The following PPP3CA variants were observed in gnomAD, a reference collection of about 807,000 sequenced individuals.
PPP3CA encodes CAM-PRP catalytic subunit.
A neutral mutation model predicts 66.5 loss-of-function variants in PPP3CA; 14 were observed. The observed-to-expected ratio is 0.21, with a 90% CI of 0.14 to 0.33. The LOEUF is 0.33. PPP3CA is among the 10% of genes least tolerant of loss of function. The pLI is 1.00. For missense variants in PPP3CA, 317 were observed against 639.5 expected (o/e 0.50, Z 5.44); for synonymous variants, 232 against 226.2 (o/e 1.03, Z -0.23).
chr4:101,046,652 C>T (rs1002181399), intron 10 of PPP3CA, among the ~76,000 whole-genome samples: 8 of 152,018 alleles, frequency 5.3e-5, no homozygotes, highest in Non-Finnish European at 7.4e-5. Flanking sequence ...CTCACCACTT[C>T]CAAATTTGTT....
In PPP3CA at chr4:101,121,802, G is replaced by C. The variant is rs548510812; in HGVS notation, c.260-12724C>G. On this transcript the variant is annotated intron_variant, in intron 2 of 13. Coordinates refer to ENST00000394854, the MANE Select transcript of PPP3CA (RefSeq NM_000944.5). ...AACTGATTTTCTCAAGGAACATAGA[G>C]TATGCTTGGGATATACAGACTTACA... 2.2e-4 allele frequency among the ~76,000 whole-genome samples: 34 copies of C among 152,194 alleles called. 1 individual carries two copies. The East Asian group carries it at 3.7e-3, about 16-fold the overall frequency.
chr4:101,247,673 A>C (rs937729123), intron 1 of PPP3CA, among the ~76,000 whole-genome samples: 2 of 152,174 alleles, frequency 1.3e-5, no homozygotes, highest in Non-Finnish European at 2.9e-5. Context: ...GTATGTATTA[A>C]GGTATAATCA....
intron 1 of PPP3CA, among the ~76,000 whole-genome samples, chr4:101,334,385 C>T (rs906671969): frequency 3.9e-5 from 6 of 152,070 alleles, no homozygotes; most frequent in Admixed American, 1.3e-4. Context: ...TCCACCCACC[C>T]GGCCTCCCAA....
At chr4:101,214,976 T>C (rs928785267) in intron 1 of PPP3CA, among the ~76,000 whole-genome samples, 1 of 152,036 alleles carries the variant, frequency 6.6e-6, no homozygotes, top group Non-Finnish European at 1.5e-5. Context: ...GGAAACACTA[T>C]TCACTCTAAT....
chr4:101,058,992 C>A (rs1162155710), intron 10 of PPP3CA, among the ~76,000 whole-genome samples: 2 of 152,040 alleles, frequency 1.3e-5, no homozygotes, highest in Non-Finnish European at 2.9e-5. Context: ...TTGCAAAAAA[C>A]AAACATTTAT....
At chr4:101,300,299 T>C (rs1272146398) in intron 1 of PPP3CA, among the ~76,000 whole-genome samples, 1 of 152,232 alleles carries the variant, frequency 6.6e-6, no homozygotes. Context: ...TTGATCATAG[T>C]AGCTATAAAA....
chr4:101,024,529 G>T lies in PPP3CA; in HGVS notation c.*1336C>A, dbSNP rs1726536448. Reference sequence around the variant, plus strand: ...TTGTTGTTGTTTTCAGAATGAACCAGTTGTAACCCGTAACTGATATACAAA... The same window carrying T: ...TTGTTGTTGTTTTCAGAATGAACCATTTGTAACCCGTAACTGATATACAAA... On this transcript the variant is annotated 3_prime_UTR_variant, in exon 14 of 14. Transcript: ENST00000394854. 6.6e-6 allele frequency: 1 copy of T among 152,586 alleles called. No individual in the cohort carries two copies. The highest frequency in any genetic ancestry group is 2.4e-5 in the African/African-American group (1 of 41,426). 9.5% of individuals were successfully genotyped at this position (152,586 alleles called of 1,614,324 possible). A position where few individuals can be genotyped will look rare whatever the true frequency, so the allele number is the denominator to read the frequency against.
At chr4:101,048,905 A>AT (rs556836719) in intron 10 of PPP3CA, among the ~76,000 whole-genome samples, 95 of 152,064 alleles carry the variant, frequency 6.2e-4, no homozygotes, top group African/African-American at 2.0e-3. Context: ...TTAAAATGTA[A>AT]TTTTTTTTAA....
intron 1 of PPP3CA, among the ~76,000 whole-genome samples, chr4:101,234,225 C>T (rs937720783): frequency 1.3e-5 from 2 of 151,750 alleles, no homozygotes; most frequent in Non-Finnish European, 2.9e-5. Flanking sequence ...TATATCTTTA[C>T]AGTAGAATAA....
In PPP3CA at chr4:101,297,867, TATA is replaced by T. The variant is rs1336615342; in HGVS notation, c.58+48869_58+48871del. 2.6e-5 allele frequency among the ~76,000 whole-genome samples: 4 copies of T among 152,190 alleles called. No individual in the cohort carries two copies. The East Asian group carries it at 5.8e-4, about 22-fold the overall frequency. ...ACTGTTTGATTGGGTTTTCATGCCT[TATA>T]ATGTTTTCTTATTGTTTCTTTTGAA... On this transcript the variant is annotated intron_variant, in intron 1 of 13. Coordinates refer to ENST00000394854, the MANE Select transcript of PPP3CA (RefSeq NM_000944.5).
chr4:101,178,066 T>C (rs906426986), intron 2 of PPP3CA, among the ~76,000 whole-genome samples: 2 of 152,096 alleles, frequency 1.3e-5, no homozygotes, highest in African/African-American at 2.4e-5. Flanking sequence ...TTCAACATTA[T>C]CTCAAGTCTC....
chr4:101,142,753 TA>T (rs1404109262), intron 2 of PPP3CA, among the ~76,000 whole-genome samples: 1 of 152,216 alleles, frequency 6.6e-6, no homozygotes, highest in Non-Finnish European at 1.5e-5. Flanking sequence ...CTGTCATAAT[TA>T]ATTCAGGTAA....
intron 12 of PPP3CA, among the ~76,000 whole-genome samples, chr4:101,029,421 G>A (rs976241202): frequency 8.8e-5 from 13 of 147,574 alleles, no homozygotes; most frequent in African/African-American, 1.3e-4. Flanking sequence ...AGCTGGGTAC[G>A]CCTATCTGAA....
intron 2 of PPP3CA, among the ~76,000 whole-genome samples, chr4:101,113,431 G>T (rs1223595888): frequency 6.6e-6 from 1 of 152,088 alleles, no homozygotes; most frequent in Non-Finnish European, 1.5e-5. Flanking sequence ...CACTGGAAAG[G>T]CAACCTCTTT....
In PPP3CA at chr4:101,099,508, C is replaced by A. The variant is rs144542052; in HGVS notation, c.496+103G>T. On this transcript the variant is annotated intron_variant, in intron 4 of 13. Transcript: ENST00000394854. ...AATATGAAAGAGTGTCACTTTAAGT[C>A]TTTGACTTTAGGCAATAGATCATAT... 71 of 557,216 alleles carry A rather than the reference C, an allele frequency of 1.3e-4. No homozygotes were observed. The East Asian group carries it at 2.5e-3, about 20-fold the overall frequency. 34.5% of individuals were successfully genotyped at this position (557,216 alleles called of 1,614,324 possible).
chr4:101,269,553 C>CGT (rs55721209), intron 1 of PPP3CA, among the ~76,000 whole-genome samples: 42,378 of 135,208 alleles, frequency 0.31, 7,165 homozygotes, highest in Middle Eastern at 0.44. Context: ...AAACAAGGAA[C>CGT]GTGTGTGTGT....
intron 11 of PPP3CA, among the ~76,000 whole-genome samples, chr4:101,033,275 G>A (rs146534392): frequency 7.9e-6 from 1 of 126,834 alleles, no homozygotes. Context: ...CATACATAGA[G>A]ACACACACAC....
At chr4:101,158,398 T>C (rs1723394213) in intron 2 of PPP3CA, 1 of 152,226 alleles carries the variant, frequency 6.6e-6, no homozygotes, top group African/African-American at 2.4e-5. Context: ...TGAAGCAGTG[T>C]GCAACAAGAA....
intron 6 of PPP3CA, among the ~76,000 whole-genome samples, chr4:101,093,492 C>CA (rs1243456911): frequency 1.3e-5 from 2 of 151,152 alleles, no homozygotes; most frequent in Admixed American, 1.3e-4. Flanking sequence ...ACTGGGAAAC[C>CA]AAAAAAATAA....
Sources: gnomAD v4.1 joint callset for allele counts (sites outside exome capture counted in the v4.1 genomes callset) on GRCh38, gnomAD v4.1.1 for gene constraint, MANE v1.5 for transcripts, NCBI Gene and HGNC (gene_info 2026-07-23, HGNC 2026-07-21) for gene names.